Variants in OXR1 observed in about 807,000 individuals in gnomAD.
The protein encoded by OXR1 is oxidation resistance protein 1.
A neutral mutation model predicts 104.6 loss-of-function variants in OXR1; 41 were observed. The observed-to-expected ratio is 0.39, with a 90% CI of 0.31 to 0.51. OXR1 has a LOEUF of 0.51. Ranked by LOEUF, OXR1 falls within the 20% of genes least tolerant of loss-of-function variation. The pLI is 0.77. For missense variants in OXR1, 955 were observed against 1,031.9 expected (o/e 0.93, Z 1.02); for synonymous variants, 348 against 348.4 (o/e 1.00, Z 0.01).
rs778069272 is a variant in OXR1 at position 106,686,401 on chromosome 8, C to T, written c.525+2042C>T. ...GGGCAATAGTTAGAAATAATTCTTA[C>T]AACAGTTGATTGTGTAAATTTTAGT... On this transcript the variant is annotated intron_variant, in intron 6 of 16. Coordinates refer to ENST00000517566, the MANE Select transcript of OXR1 (RefSeq NM_001198533.2). Among the ~76,000 whole-genome samples the T allele has an allele frequency of 5.3e-5, 8 of 151,202 alleles. 1 individual carries two copies. The highest frequency in any genetic ancestry group is 1.0e-4 in the Non-Finnish European group (7 of 67,898).
intron 3 of OXR1, among the ~76,000 whole-genome samples, chr8:106,671,948 C>T (rs1234538864): frequency 7.0e-6 from 1 of 143,666 alleles, no homozygotes; most frequent in Non-Finnish European, 1.5e-5. Context: ...TGCACATGTA[C>T]CCTAGAACTT....
At chr8:106,633,454 A>G (rs2130903908) in intron 3 of OXR1, among the ~76,000 whole-genome samples, 1 of 152,230 alleles carries the variant, frequency 6.6e-6, no homozygotes, top group East Asian at 1.9e-4. Context: ...TTACCATCGT[A>G]TCTTACTCTT....
intron 2 of OXR1, among the ~76,000 whole-genome samples, chr8:106,514,094 G>A (rs1449811325): frequency 6.6e-6 from 1 of 151,936 alleles, no homozygotes; most frequent in Non-Finnish European, 1.5e-5. Context: ...TTTTCCTTTG[G>A]GAATGCAAAG....
At chr8:106,354,168 A>C (rs1586559143) in intron 1 of OXR1, among the ~76,000 whole-genome samples, 1 of 152,042 alleles carries the variant, frequency 6.6e-6, no homozygotes, top group Non-Finnish European at 1.5e-5. Flanking sequence ...AAGCAAGCTC[A>C]AGCAGAGTAG....
intron 3 of OXR1, chr8:106,581,370 A>G (rs1586843506): frequency 3.8e-6 from 2 of 527,752 alleles, no homozygotes; most frequent in South Asian, 3.3e-5. Flanking sequence ...TTAACCAAAT[A>G]GAGTATTATG....
At chr8:106,443,222 T>G (rs185343167) in intron 2 of OXR1, among the ~76,000 whole-genome samples, 1 of 152,174 alleles carries the variant, frequency 6.6e-6, no homozygotes, top group South Asian at 2.1e-4. Flanking sequence ...TTTGAGTGAG[T>G]TTCTTAATCC....
chr8:106,482,987 T>C (rs1435966769), intron 2 of OXR1, among the ~76,000 whole-genome samples: 1 of 152,026 alleles, frequency 6.6e-6, no homozygotes, highest in Non-Finnish European at 1.5e-5. Flanking sequence ...CATGTGAAAG[T>C]GCTTTGAAAA....
intron 2 of OXR1, among the ~76,000 whole-genome samples, chr8:106,427,469 A>G (rs902862961): frequency 1.3e-5 from 2 of 152,104 alleles, no homozygotes; most frequent in Admixed American, 1.3e-4. Context: ...TTAAGAGAAT[A>G]AAAGAGACTG....
At chr8:106,595,751 A>G (rs1819483249) in intron 3 of OXR1, among the ~76,000 whole-genome samples, 1 of 152,104 alleles carries the variant, frequency 6.6e-6, no homozygotes, top group Non-Finnish European at 1.5e-5. Context: ...GAGATGCAGC[A>G]TATCCCATAA....
At position 106,683,404 on chromosome 8, in the gene OXR1, A is replaced by T. The variant is rs189943629; in HGVS notation, c.411+98A>T. 3.6e-5 allele frequency: 19 copies of T among 530,482 alleles called. No homozygotes were observed. The Admixed American group carries it at 3.8e-4, about 11-fold the overall frequency. 32.9% of individuals were successfully genotyped at this position (530,482 alleles called of 1,614,324 possible). A position where few individuals can be genotyped will look rare whatever the true frequency, so the allele number is the denominator to read the frequency against. ...TAGTTAATAATATAGAAAATTTGAG[A>T]ATAATTTTATATGTGCTTTTAACAA... is the stretch of plus-strand genomic sequence containing the variant. On this transcript the variant is annotated intron_variant, in intron 5 of 16. Coordinates refer to ENST00000517566, the MANE Select transcript of OXR1 (RefSeq NM_001198533.2).
intron 1 of OXR1, among the ~76,000 whole-genome samples, chr8:106,277,315 A>G (rs1812089399): frequency 6.6e-6 from 1 of 152,080 alleles, no homozygotes; most frequent in Admixed American, 6.6e-5. Context: ...CTACCTTACT[A>G]CTTTTTAAGA....
intron 3 of OXR1, among the ~76,000 whole-genome samples, chr8:106,566,601 C>T (rs1817092911): frequency 6.6e-6 from 1 of 152,040 alleles, no homozygotes; most frequent in Non-Finnish European, 1.5e-5. Flanking sequence ...ACCATTTGAC[C>T]CAGCAATCCC....
At chr8:106,447,844 T>C in intron 2 of OXR1, 1 of 1,404,190 alleles carries the variant, frequency 7.1e-7, no homozygotes, top group Non-Finnish European at 9.3e-7. Context: ...GATTTGGGTC[T>C]CTTTTTGCCT....
intron 3 of OXR1, among the ~76,000 whole-genome samples, chr8:106,621,705 A>T (rs1325206727): frequency 6.6e-6 from 1 of 152,214 alleles, no homozygotes; most frequent in East Asian, 1.9e-4. Flanking sequence ...AAAGGCAAGA[A>T]TAAAGAAAAG....
chr8:106,719,983 T>A (rs1832685832), intron 11 of OXR1, among the ~76,000 whole-genome samples: 2 of 152,100 alleles, frequency 1.3e-5, no homozygotes. Context: ...TTTTTTTGTA[T>A]TTTTAGTAGA....
chr8:106,671,615 A>G (rs1826988241), intron 3 of OXR1, among the ~76,000 whole-genome samples: 2 of 152,070 alleles, frequency 1.3e-5, no homozygotes, highest in Admixed American at 1.3e-4. Context: ...TGGCACATAT[A>G]CACCGTGGAA....
At chr8:106,526,142 ATATGT>A (rs1813643950) in intron 3 of OXR1, among the ~76,000 whole-genome samples, 1 of 152,194 alleles carries the variant, frequency 6.6e-6, no homozygotes, top group Non-Finnish European at 1.5e-5. Context: ...GAGAGAGGTG[ATATGT>A]TATTCACGTA....
chr8:106,622,197 A>T (rs368553006), intron 3 of OXR1, among the ~76,000 whole-genome samples: 4 of 152,058 alleles, frequency 2.6e-5, no homozygotes, highest in African/African-American at 9.6e-5. Flanking sequence ...CTCAGAATAA[A>T]CCCAGAATCT....
At chr8:106,697,716 T>A (rs1830191057) in intron 7 of OXR1, 1 of 1,614,088 alleles carries the variant, frequency 6.2e-7, no homozygotes, top group Non-Finnish European at 8.5e-7. Context: ...AGCGCTCAGC[T>A]GCTTGCAGGA....
Sources: allele counts gnomAD v4.1 joint callset (sites outside exome capture counted in the v4.1 genomes callset), GRCh38; gene constraint gnomAD v4.1.1; transcripts MANE v1.5; gene names NCBI Gene and HGNC (gene_info 2026-07-23, HGNC 2026-07-21).